PKP4: variants seen among roughly 807,000 people sequenced by gnomAD.
PKP4 encodes the protein plakophilin 4.
In PKP4, 90 loss-of-function variants were observed where a neutral mutation model predicts 145.1. The observed-to-expected ratio is 0.62, with a 90% confidence interval of 0.52 to 0.74. The LOEUF (loss-of-function observed/expected upper bound fraction) is 0.74, where lower values mean the gene tolerates loss of function less well. Among genes scored for constraint, PKP4 ranks in the 30% least tolerant of loss-of-function variants. PKP4 has a pLI of 0.00. For missense variants in PKP4, 1,340 were observed against 1,482.7 expected (o/e 0.90, Z 1.58); for synonymous variants, 563 against 577.2 (o/e 0.98, Z 0.35).
chr2:158,541,128 AT>A (rs1444949892), intron 2 of PKP4, among the ~76,000 whole-genome samples: 9 of 152,274 alleles, frequency 5.9e-5, no homozygotes, highest in Admixed American at 1.3e-4. Context: ...AGAGAAAAAT[AT>A]TTCGGAAACA....
chr2:158,513,201 T>C (rs1190995638), intron 1 of PKP4, among the ~76,000 whole-genome samples: 1 of 152,212 alleles, frequency 6.6e-6, no homozygotes, highest in Non-Finnish European at 1.5e-5. Context: ...TTAGAGCTCT[T>C]GGGGGATACT....
At chr2:158,458,715 A>G (rs1360359546) in intron 1 of PKP4, among the ~76,000 whole-genome samples, 2 of 152,266 alleles carry the variant, frequency 1.3e-5, no homozygotes, top group African/African-American at 2.4e-5. Context: ...TTCCCTCGTC[A>G]TACTGGGCTG....
intron 11 of PKP4, among the ~76,000 whole-genome samples, chr2:158,647,265 A>G (rs2054921501): frequency 6.6e-6 from 1 of 152,232 alleles, no homozygotes; most frequent in African/African-American, 2.4e-5. Flanking sequence ...TTCCTAAGTG[A>G]AAATTATAGT....
At chr2:158,612,211 C>T (rs1334783807) in intron 4 of PKP4, among the ~76,000 whole-genome samples, 1 of 152,140 alleles carries the variant, frequency 6.6e-6, no homozygotes, top group Non-Finnish European at 1.5e-5. Flanking sequence ...TAAGTATCCA[C>T]ACACATTTGA....
chr2:158,466,648 T>C (rs1573934914), intron 1 of PKP4, among the ~76,000 whole-genome samples: 1 of 152,184 alleles, frequency 6.6e-6, no homozygotes, highest in Admixed American at 6.5e-5. Flanking sequence ...GAGGTTGCAG[T>C]GGGCAGAGAT....
intron 1 of PKP4, among the ~76,000 whole-genome samples, chr2:158,481,653 T>G (rs1209284958): frequency 6.6e-6 from 1 of 152,234 alleles, no homozygotes; most frequent in Non-Finnish European, 1.5e-5. Context: ...CATTTGAGTA[T>G]CTTTTCATGT....
chr2:158,631,332 A>G (rs1390067670), intron 7 of PKP4, among the ~76,000 whole-genome samples: 1 of 151,972 alleles, frequency 6.6e-6, no homozygotes, highest in Non-Finnish European at 1.5e-5. Context: ...TTTAGACTTA[A>G]CACTTGGTCC....
chr2:158,678,877 C>G (rs2058242807), intron 21 of PKP4: 1 of 577,674 alleles, frequency 1.7e-6, no homozygotes, highest in Admixed American at 3.0e-5. Context: ...GACCACCGTG[C>G]CACTGATGGG....
rs186598247 is a variant in PKP4, at chr2:158,570,927, A to G, written c.133-6344A>G. ...GTTCTCAGATGAGAAAAACTTGAGC[A>G]TTAGACTAAAATGAAACATAGAGGA... is the stretch of plus-strand genomic sequence containing the variant. On this transcript the variant is annotated intron_variant, in intron 2 of 21. Transcript: ENST00000389759. Among the ~76,000 whole-genome samples the G allele has an allele frequency of 4.1e-4, 63 of 152,296 alleles. 2 individuals carry two copies. Among genetic ancestry groups the G allele is most frequent in the Admixed American group, 2.5e-3 (38 of 15,292 alleles).
Position 158,588,248 on chromosome 2 carries a change from T to A in PKP4, c.245+10865T>A, listed in dbSNP as rs2048970503. 2.6e-5 allele frequency: 4 copies of A among 152,180 alleles called. No homozygotes were observed. In the South Asian group the frequency reaches 8.3e-4, roughly 32 times the overall value. The allele number at this position is 152,180 out of a possible 1,614,324, so 9.4% of individuals were successfully genotyped here. ...AGATCTTGCTGGTTTGAAGCAGCTT[T>A]CTGAAGTAGCTCAACAGTTGCCACC... is the stretch of plus-strand genomic sequence containing the variant. On this transcript the variant is annotated intron_variant, in intron 3 of 21. Coordinates refer to ENST00000389759, the MANE Select transcript of PKP4 (RefSeq NM_003628.6).
chr2:158,556,069 A>G (rs1048745428), intron 2 of PKP4, among the ~76,000 whole-genome samples: 1 of 152,212 alleles, frequency 6.6e-6, no homozygotes, highest in Non-Finnish European at 1.5e-5. Context: ...AATATTTACT[A>G]GTGATAAAGG....
At chr2:158,467,421 C>T (rs1425570225) in intron 1 of PKP4, among the ~76,000 whole-genome samples, 2 of 151,808 alleles carry the variant, frequency 1.3e-5, no homozygotes, top group East Asian at 3.9e-4. Flanking sequence ...TGCTAGTGGC[C>T]TACACCTGTA....
At chr2:158,541,890 G>A (rs912591833) in intron 2 of PKP4, among the ~76,000 whole-genome samples, 1 of 152,038 alleles carries the variant, frequency 6.6e-6, no homozygotes, top group African/African-American at 2.4e-5. Context: ...CCAAGATTAA[G>A]GTCTTAACCA....
intron 1 of PKP4, among the ~76,000 whole-genome samples, chr2:158,472,305 A>ATCAAAG (rs1383644632): frequency 6.6e-6 from 1 of 151,630 alleles, no homozygotes; most frequent in Non-Finnish European, 1.5e-5. Flanking sequence ...AAAATTTAAA[A>ATCAAAG]TGAATTTTAA....
chr2:158,600,725 T>C (rs1011305493), intron 3 of PKP4, among the ~76,000 whole-genome samples: 7 of 152,224 alleles, frequency 4.6e-5, no homozygotes, highest in Non-Finnish European at 2.9e-5. Context: ...CTCAGAATTA[T>C]AGAAGTTTCT....
intron 4 of PKP4, among the ~76,000 whole-genome samples, chr2:158,609,286 T>C (rs111607711): frequency 0.011 from 1,746 of 152,328 alleles, 40 homozygotes; most frequent in African/African-American, 0.039. Flanking sequence ...AAATCATCTA[T>C]CTTAGAATTA....
intron 1 of PKP4, among the ~76,000 whole-genome samples, chr2:158,464,852 T>A (rs1469720243): frequency 6.6e-6 from 1 of 152,260 alleles, no homozygotes; most frequent in African/African-American, 2.4e-5. Flanking sequence ...GTGAGGGGAC[T>A]GTAGACAATT....
chr2:158,680,299 T>G, intron 21 of PKP4, 130 bp from the exon 22 acceptor site: 2 of 716,972 alleles, frequency 2.8e-6, no homozygotes, highest in Non-Finnish European at 4.6e-6. Flanking sequence ...CAGAAACAGC[T>G]TTTAACCTTA....
At chr2:158,539,363 C>G (rs750919374) in intron 2 of PKP4, among the ~76,000 whole-genome samples, 1 of 152,136 alleles carries the variant, frequency 6.6e-6, no homozygotes, top group African/African-American at 2.4e-5. Flanking sequence ...TACTTTATTC[C>G]TCTGGAACTG....
Sources: gnomAD v4.1 joint callset for allele counts (sites outside exome capture counted in the v4.1 genomes callset) on GRCh38, gnomAD v4.1.1 for gene constraint, MANE v1.5 for transcripts, NCBI Gene and HGNC (gene_info 2026-07-23, HGNC 2026-07-21) for gene names.